SRPK2: variants seen among roughly 807,000 people sequenced by gnomAD.
SRPK2 encodes the protein SRSF protein kinase 2.
Under a neutral mutation model 90.8 loss-of-function variants are expected in SRPK2, and 21 were observed. The ratio of observed to expected loss-of-function variants is 0.23; its 90% CI spans 0.16 to 0.33. SRPK2 has a LOEUF of 0.33. Ranked by LOEUF, SRPK2 falls within the 10% of genes least tolerant of loss-of-function variation. SRPK2 has a pLI of 1.00. For synonymous variants in SRPK2, 288 were observed against 311.1 expected, an observed-to-expected ratio of 0.93 and a Z score of 0.78; for missense variants, 620 against 869.0, an observed-to-expected ratio of 0.71 and a Z score of 3.60.
chr7:105,299,866 C>G (rs1474308639), intron 2 of SRPK2, among the ~76,000 whole-genome samples: 1 of 151,094 alleles, frequency 6.6e-6, no homozygotes, highest in Non-Finnish European at 1.5e-5. Flanking sequence ...TGCACTCCAG[C>G]CTGGGTGACA....
chr7:105,159,466 A>AAAAAAAAAAAAAAAAAAAAAAAAAAAAAC (rs1316365933), intron 7 of SRPK2, among the ~76,000 whole-genome samples: 4 of 114,282 alleles, frequency 3.5e-5, no homozygotes, highest in Non-Finnish European at 7.3e-5. Flanking sequence ...AAAAAAAAAA[A>AAAAAAAAAAAAAAAAAAAAAAAAAAAAAC]AAAAAAACCG....
At chr7:105,333,135 A>G (rs1814641525) in intron 2 of SRPK2, among the ~76,000 whole-genome samples, 1 of 152,226 alleles carries the variant, frequency 6.6e-6, no homozygotes, top group Admixed American at 6.5e-5. Context: ...CGGAGGTTGC[A>G]GTGAGCCCAG....
chr7:105,343,078 G>A (rs1050492470), intron 2 of SRPK2, among the ~76,000 whole-genome samples: 3 of 152,204 alleles, frequency 2.0e-5, no homozygotes, highest in Non-Finnish European at 4.4e-5. Context: ...AAAGAAGGTG[G>A]ACAGAAGGCT....
At chr7:105,252,449 C>T (rs988669875) in intron 2 of SRPK2, among the ~76,000 whole-genome samples, 5 of 152,088 alleles carry the variant, frequency 3.3e-5, no homozygotes, top group East Asian at 3.9e-4. Context: ...AGTTCACTGG[C>T]GTTCTCATCT....
intron 11 of SRPK2, among the ~76,000 whole-genome samples, chr7:105,137,690 G>A (rs950117926): frequency 1.3e-5 from 2 of 152,134 alleles, no homozygotes; most frequent in Non-Finnish European, 2.9e-5. Context: ...AACCTTCAAT[G>A]GCTGCCAAAT....
In SRPK2 at chr7:105,170,786, A is replaced by AAGGAAGGAAGGAC. The variant is rs1554435294; in HGVS notation, c.230-1522_230-1521insGTCCTTCCTTCCT. On this transcript the variant is annotated intron_variant, in intron 3 of 15. Transcript: ENST00000393651. ...AAGGAAGGAAGGAAGGAAGGACGGG[A>AAGGAAGGAAGGAC]GGGAGGGAGGGAGGGAGGGAGAGAG... Among the ~76,000 whole-genome samples, 154 of 67,610 alleles carry AAGGAAGGAAGGAC rather than the reference A, an allele frequency of 2.3e-3. 4 individuals are homozygous for AAGGAAGGAAGGAC. Among genetic ancestry groups the AAGGAAGGAAGGAC allele is most frequent in the Non-Finnish European group, 3.7e-3 (141 of 37,672 alleles). The allele number at this position is 67,610 out of a possible 152,430, so 44.4% of individuals were successfully genotyped here.
upstream of SRPK2, among the ~76,000 whole-genome samples, chr7:105,390,706 A>G (rs1027525509): frequency 2.1e-5 from 3 of 143,388 alleles, no homozygotes; most frequent in Non-Finnish European, 4.5e-5. Context: ...ACCCACCTCA[A>G]CCTCCCAAAG....
At chr7:105,204,523 C>A (rs1004433420) in intron 2 of SRPK2, 5 of 393,612 alleles carry the variant, frequency 1.3e-5, no homozygotes, top group Admixed American at 6.3e-5. Context: ...CCTACAGTCT[C>A]AATCTGGATG....
intron 2 of SRPK2, among the ~76,000 whole-genome samples, chr7:105,287,399 AG>A (rs1808304745): frequency 1.3e-5 from 2 of 152,214 alleles, no homozygotes; most frequent in South Asian, 4.1e-4. Context: ...GATATTTCAC[AG>A]GTACATATAC....
At chr7:105,122,672 C>G (rs1178294652) in intron 15 of SRPK2, among the ~76,000 whole-genome samples, 1 of 151,798 alleles carries the variant, frequency 6.6e-6, no homozygotes, top group Non-Finnish European at 1.5e-5. Flanking sequence ...GGGTTTTAGC[C>G]CTCAGTTCTC....
In SRPK2 at chr7:105,167,414, G is replaced by A. The variant is rs375950727; in HGVS notation, c.477C>T (p.Leu159=). ...SDPNKDMVVQ[L]IDDFKISGMN... Reference sequence around the variant, plus strand: ...TGCCTGAAATCTTGAAGTCGTCAATGAGCTGGACCACCATGTCTTTGTTTG... The same window carrying A: ...TGCCTGAAATCTTGAAGTCGTCAATAAGCTGGACCACCATGTCTTTGTTTG... Residue 159 remains leucine, a synonymous_variant, in exon 6 of 16, where the codon CTC becomes CTT. Coordinates refer to ENST00000393651, the MANE Select transcript of SRPK2 (RefSeq NM_182692.3). 6.2e-6 allele frequency: 10 copies of A among 1,613,746 alleles called. No homozygotes were observed. In the African/African-American group the frequency reaches 6.7e-5, roughly 11 times the overall value.
Position 105,226,727 on chromosome 7 carries a change from C to T in SRPK2, c.72-22942G>A, listed in dbSNP as rs571073216. 2.3e-4 allele frequency among the ~76,000 whole-genome samples: 22 copies of T among 96,552 alleles called. 1 individual carries two copies. The East Asian group carries it at 6.2e-3, about 27-fold the overall frequency. The allele number at this position is 96,552 out of a possible 152,430, so 63.3% of individuals were successfully genotyped here. A position where few individuals can be genotyped will look rare whatever the true frequency, so the allele number is the denominator to read the frequency against. ...GGATAAGACAGTGTAGATCTCTGGC[C>T]AGGCACGATGGCTCATACCTGTAAT... On this transcript the variant is annotated intron_variant, in intron 2 of 15. Transcript: ENST00000393651.
intron 2 of SRPK2, among the ~76,000 whole-genome samples, chr7:105,336,993 GGTT>G (rs1334560195): frequency 6.6e-6 from 1 of 151,966 alleles, no homozygotes; most frequent in Non-Finnish European, 1.5e-5. Flanking sequence ...GTAGAGATGG[GGTT>G]TCACTATGTT....
chr7:105,330,912 T>C (rs912417797), intron 2 of SRPK2, among the ~76,000 whole-genome samples: 7 of 152,080 alleles, frequency 4.6e-5, no homozygotes, highest in Admixed American at 6.6e-5. Flanking sequence ...GAGGGTCCCT[T>C]GAATCCAGAA....
At chr7:105,240,595 G>GAA (rs909941589) in intron 2 of SRPK2, among the ~76,000 whole-genome samples, 21 of 147,540 alleles carry the variant, frequency 1.4e-4, no homozygotes, top group African/African-American at 5.2e-4. Flanking sequence ...AGAAGAAAAG[G>GAA]AAAAAAAAAA....
intron 2 of SRPK2, among the ~76,000 whole-genome samples, chr7:105,228,753 C>T (rs972935468): frequency 6.6e-6 from 1 of 152,214 alleles, no homozygotes; most frequent in Non-Finnish European, 1.5e-5. Flanking sequence ...GTAACACTCA[C>T]TCTGGGGCTT....
upstream of SRPK2, chr7:105,389,262 C>A: frequency 7.9e-7 from 1 of 1,268,468 alleles, no homozygotes; most frequent in Non-Finnish European, 1.0e-6. Flanking sequence ...GTCGCGCCGC[C>A]CGCTGCTCCA....
At chr7:105,274,114 T>C (rs374124149) in intron 2 of SRPK2, among the ~76,000 whole-genome samples, 1 of 152,294 alleles carries the variant, frequency 6.6e-6, no homozygotes, top group Non-Finnish European at 1.5e-5. Flanking sequence ...ACCCACCCAA[T>C]AGTCCCATAG....
At chr7:105,333,262 T>C (rs1459636902) in intron 2 of SRPK2, among the ~76,000 whole-genome samples, 1 of 152,218 alleles carries the variant, frequency 6.6e-6, no homozygotes, top group Non-Finnish European at 1.5e-5. Context: ...TTGTGATGTA[T>C]GAAATGTTAC....
Sources: gnomAD v4.1 joint callset for allele counts (sites outside exome capture counted in the v4.1 genomes callset) on GRCh38, gnomAD v4.1.1 for gene constraint, MANE v1.5 for transcripts, NCBI Gene and HGNC (gene_info 2026-07-23, HGNC 2026-07-21) for gene names.